SUPT6H: variants seen among roughly 807,000 people sequenced by gnomAD.
SUPT6H encodes transcription elongation factor SPT6.
A neutral mutation model predicts 222.3 loss-of-function variants in SUPT6H; 11 were observed. The observed-to-expected ratio is 0.05, with a 90% CI of 0.03 to 0.08. SUPT6H has a LOEUF of 0.08. Among genes scored for constraint, SUPT6H ranks in the 10% least tolerant of loss-of-function variants. The pLI, the probability that SUPT6H is intolerant of heterozygous loss-of-function variation, is 1.00. For missense variants in SUPT6H, 1,422 were observed against 2,216.0 expected, an observed-to-expected ratio of 0.64 and a Z score of 7.19; for synonymous variants, 762 against 801.2, an observed-to-expected ratio of 0.95 and a Z score of 0.83.
chr17:28,667,392 AAAGT>A (rs1288353665), intron 1 of SUPT6H, among the ~76,000 whole-genome samples: 4 of 76,686 alleles, frequency 5.2e-5, no homozygotes, highest in East Asian at 7.6e-4. Flanking sequence ...AAAAAAAAAA[AAAGT>A]GTGTGTGTGT....
intron 1 of SUPT6H, among the ~76,000 whole-genome samples, chr17:28,664,152 C>T (rs184585591): frequency 1.3e-5 from 2 of 152,256 alleles, no homozygotes; most frequent in African/African-American, 4.8e-5. Context: ...TGGATTTTCT[C>T]CATTTCTCCG....
At chr17:28,675,363 CCT>C (rs755032338) in intron 5 of SUPT6H, 36 bp from the exon 6 acceptor site, 13 of 1,604,528 alleles carry the variant, frequency 8.1e-6, no homozygotes, top group Non-Finnish European at 1.1e-5. Context: ...TGGCTCAGCC[CCT>C]GACTCTGAGC....
intron 32 of SUPT6H, among the ~76,000 whole-genome samples, chr17:28,698,570 C>T (rs1270847589): frequency 6.6e-6 from 1 of 152,266 alleles, no homozygotes; most frequent in Admixed American, 6.5e-5. Flanking sequence ...CTAGCGCTTA[C>T]CCTGAACCTA....
chr17:28,679,071 C>T, intron 11 of SUPT6H, 108 bp downstream of exon 11: 1 of 1,412,680 alleles, frequency 7.1e-7, no homozygotes, highest in Non-Finnish European at 9.6e-7. Context: ...GGCCCCATCC[C>T]TTAGAAATCC....
At chr17:28,681,204 G>A in intron 11 of SUPT6H, 52 bp from the exon 12 acceptor site, 3 of 1,607,848 alleles carry the variant, frequency 1.9e-6, no homozygotes, top group Non-Finnish European at 2.5e-6. Flanking sequence ...GCCAAATTGG[G>A]ATATACCCTT....
At chr17:28,697,179 G>T in intron 30 of SUPT6H, 97 bp downstream of exon 30, 2 of 1,038,572 alleles carry the variant, frequency 1.9e-6, no homozygotes, top group East Asian at 2.5e-5. Context: ...TCGGGTCATA[G>T]GTATTTTAGC....
At position 28,683,027 on chromosome 17, in the gene SUPT6H, G is replaced by T; in HGVS notation, c.1813G>T (p.Val605Leu). Residue 605 changes from valine (V) to leucine (L), a missense_variant, in exon 15 of 37, where the codon GTG becomes TTG. Around this residue, in one of 13 missense-constraint regions of SUPT6H, gnomAD observed 121 missense variants for 158.0 expected, o/e 0.77. Transcript: ENST00000314616. ...QIAREPLVRQVLRQTFQERAK... is the reference protein window; with the variant it reads ...QIAREPLVRQLLRQTFQERAK... ...TGCCCGTGAGCCCCTTGTCCGGCAG[G>T]TGCTGAGGCAAACCTTCCAAGAGAG... 2.5e-6 allele frequency: 4 copies of T among 1,613,994 alleles called. No individual in the cohort carries two copies. Among genetic ancestry groups the T allele is most frequent in the Non-Finnish European group, 3.4e-6 (4 of 1,179,956 alleles).
chr17:28,668,776 G>A (rs749934759), intron 1 of SUPT6H, among the ~76,000 whole-genome samples: 2 of 152,158 alleles, frequency 1.3e-5, no homozygotes, highest in Non-Finnish European at 2.9e-5. Context: ...GGGGGCTGCC[G>A]TACTCAAATC....
At chr17:28,681,170 CTT>C (rs1441329905) in intron 11 of SUPT6H, 84 bp from the exon 12 acceptor site, 11 of 1,483,916 alleles carry the variant, frequency 7.4e-6, no homozygotes, top group Middle Eastern at 2.4e-4. Context: ...GGGATACTGC[CTT>C]TTGGGAATTG....
intron 7 of SUPT6H, among the ~76,000 whole-genome samples, chr17:28,676,656 G>A (rs923523948): frequency 1.3e-5 from 2 of 152,200 alleles, no homozygotes; most frequent in Admixed American, 6.5e-5. Context: ...TCTGGGTGCT[G>A]TGGCTCACAC....
Position 28,692,413 on chromosome 17 carries a change from A to G in SUPT6H, c.3634-1283A>G, listed in dbSNP as rs533917727. ...TTTGGGAGGCTGAGGCAGTTGGATCACCTGAGGTCAGGAGTTCCAGACCAG... is the reference window on the plus strand; with the variant it reads ...TTTGGGAGGCTGAGGCAGTTGGATCGCCTGAGGTCAGGAGTTCCAGACCAG... On this transcript the variant is annotated intron_variant, in intron 27 of 36. Transcript: ENST00000314616. Among the ~76,000 whole-genome samples, 49 of 147,148 alleles carry G rather than the reference A, an allele frequency of 3.3e-4. 3 individuals are homozygous for G. Among genetic ancestry groups the G allele is most frequent in the Non-Finnish European group, 5.5e-4 (37 of 66,780 alleles).
At chr17:28,670,141 A>G (rs2030329478) in intron 1 of SUPT6H, 2 of 152,318 alleles carry the variant, frequency 1.3e-5, no homozygotes, top group South Asian at 4.1e-4. Flanking sequence ...CCTGAAAACT[A>G]TTGATAGATG....
In SUPT6H at chr17:28,702,326, C is replaced by T. The variant is rs867740740; in HGVS notation, c.*701C>T. 1.3e-5 allele frequency: 2 copies of T among 152,754 alleles called. No homozygotes were observed. Among genetic ancestry groups the T allele is most frequent in the Non-Finnish European group, 2.9e-5 (2 of 68,092 alleles). 9.5% of individuals were successfully genotyped at this position (152,754 alleles called of 1,614,324 possible). ...GCTCCAAGGACTCCCCTGACTCCCT[C>T]TTCTGATCCATCAGAGGCAAAGATT... On this transcript the variant is annotated 3_prime_UTR_variant, in exon 37 of 37. Transcript: ENST00000314616.
intron 32 of SUPT6H, 131 bp from the exon 33 acceptor site, chr17:28,699,650 G>A: frequency 1.3e-6 from 1 of 779,238 alleles, no homozygotes; most frequent in Non-Finnish European, 2.3e-6. Context: ...ACAGGCCTGG[G>A]GACTGGCTGT....
Position 28,696,872 on chromosome 17 carries a change from A to C in SUPT6H, c.3999A>C (p.Pro1333=). 6.2e-7 allele frequency: 1 copy of C among 1,613,984 alleles called. No individual in the cohort carries two copies. Among genetic ancestry groups the C allele is most frequent in the Non-Finnish European group, 8.5e-7 (1 of 1,180,010 alleles). Residue 1333 remains proline, a synonymous_variant, in exon 30 of 37, where the codon CCA becomes CCC. Coordinates refer to ENST00000314616, the MANE Select transcript of SUPT6H (RefSeq NM_003170.5). ...ACATCAAGAGAGTGATCGCACACCC[A>C]TCCTTCCATAATATCAATTTCAAGC... ...TTYIKRVIAH[P]SFHNINFKQA... is the part of the protein sequence containing the mutation.
chr17:28,696,510 C>T (rs570424021), intron 29 of SUPT6H, among the ~76,000 whole-genome samples: 2 of 149,914 alleles, frequency 1.3e-5, no homozygotes, highest in African/African-American at 2.5e-5. Flanking sequence ...ATTGCTTGAA[C>T]CTAGGAGGGA....
chr17:28,687,973 G>C, intron 23 of SUPT6H, 118 bp from the exon 24 acceptor site: 1 of 1,177,258 alleles, frequency 8.5e-7, no homozygotes, highest in African/African-American at 1.6e-5. Flanking sequence ...ATGCTGTAGT[G>C]CTCAACTAGA....
At chr17:28,680,311 A>C (rs1158776312) in intron 11 of SUPT6H, among the ~76,000 whole-genome samples, 2 of 150,678 alleles carry the variant, frequency 1.3e-5, no homozygotes, top group Non-Finnish European at 3.0e-5. Context: ...TCTCAAAAGA[A>C]GAGAGGCTGG....
intron 19 of SUPT6H, among the ~76,000 whole-genome samples, chr17:28,685,479 A>G (rs2031335907): frequency 2.7e-5 from 1 of 36,434 alleles, no homozygotes; most frequent in African/African-American, 4.8e-5. Context: ...TATCATTATT[A>G]TTATTATTAT....
Sources: gnomAD v4.1 joint callset for allele counts (sites outside exome capture counted in the v4.1 genomes callset) on GRCh38, gnomAD v4.1.1 for gene constraint, gnomAD v4.1.1 regional missense constraint, MANE v1.5 for transcripts, NCBI Gene and HGNC (gene_info 2026-07-23, HGNC 2026-07-21) for gene names.